Variants in MAGI2 observed in about 807,000 individuals in gnomAD.
The protein encoded by MAGI2 is membrane-associated guanylate kinase, WW and PDZ domain-containing protein 2.
In MAGI2, 35 loss-of-function variants were observed where a neutral mutation model predicts 133.3. The ratio of observed to expected loss-of-function variants is 0.26; its 90% confidence interval spans 0.20 to 0.35. The LOEUF is 0.35. Among genes scored for constraint, MAGI2 ranks in the 10% least tolerant of loss-of-function variants. The pLI, the probability that MAGI2 is intolerant of heterozygous loss-of-function variation, is 1.00. For synonymous variants in MAGI2, 729 were observed against 710.6 expected (o/e 1.03, Z -0.41); for missense variants, 1,636 against 1,863.4 (o/e 0.88, Z 2.25).
intron 6 of MAGI2, among the ~76,000 whole-genome samples, chr7:78,381,215 C>T (rs1794892802): frequency 1.3e-5 from 2 of 151,996 alleles, no homozygotes; most frequent in African/African-American, 2.4e-5. Context: ...GCCGTTGTGG[C>T]GCGCATCTGT....
chr7:79,178,506 G>A (rs1301026546), intron 1 of MAGI2, among the ~76,000 whole-genome samples: 1 of 151,816 alleles, frequency 6.6e-6, no homozygotes, highest in Admixed American at 6.6e-5. Context: ...GAGGTCAGGA[G>A]TTCGAGACCA....
intron 6 of MAGI2, among the ~76,000 whole-genome samples, chr7:78,412,521 G>A (rs988378457): frequency 6.6e-6 from 1 of 152,060 alleles, no homozygotes; most frequent in Non-Finnish European, 1.5e-5. Context: ...AAAGTAACAA[G>A]TAATGAAATT....
chr7:78,574,544 G>A (rs778841520), intron 3 of MAGI2, among the ~76,000 whole-genome samples: 1 of 152,174 alleles, frequency 6.6e-6, no homozygotes, highest in Admixed American at 6.5e-5. Context: ...TGATAAGGAT[G>A]GCATTGTAAC....
rs1174860427 is a variant in MAGI2 at position 78,893,025 on chromosome 7, A to T, written c.418+114065T>A. On this transcript the variant is annotated intron_variant, in intron 2 of 21. Transcript: ENST00000354212. ...CAGAATCTACAATGAACTCAAACAA[A>T]TTTACAAGAAAAAAACAAACAACCC... is the stretch of plus-strand genomic sequence containing the variant. Among the ~76,000 whole-genome samples, 4 of 152,184 alleles carry T rather than the reference A, an allele frequency of 2.6e-5. No individual in the cohort carries two copies. In the South Asian group the frequency reaches 8.3e-4, roughly 32 times the overall value.
chr7:78,217,057 A>G (rs995273348), intron 10 of MAGI2, among the ~76,000 whole-genome samples: 1 of 152,210 alleles, frequency 6.6e-6, no homozygotes, highest in Non-Finnish European at 1.5e-5. Context: ...TAATAAGGAC[A>G]CAAGTTCTAT....
chr7:79,015,773 A>C, intron 1 of MAGI2, among the ~76,000 whole-genome samples: 1 of 152,214 alleles, frequency 6.6e-6, no homozygotes, highest in South Asian at 2.1e-4. Flanking sequence ...AGGCAACTGA[A>C]ATGCACAATT....
At chr7:78,624,155 C>T (rs1043840030) in intron 3 of MAGI2, among the ~76,000 whole-genome samples, 9 of 151,960 alleles carry the variant, frequency 5.9e-5, no homozygotes, top group African/African-American at 2.2e-4. Context: ...CATTTGCCCA[C>T]TTTTTAATGC....
chr7:78,759,766 C>T, intron 2 of MAGI2, among the ~76,000 whole-genome samples: 1 of 152,030 alleles, frequency 6.6e-6, no homozygotes, highest in East Asian at 1.9e-4. Context: ...TTATGTGATT[C>T]TTTTATCACA....
chr7:78,992,471 A>AT lies in MAGI2; in HGVS notation c.418+14618dup, dbSNP rs550120830. Among the ~76,000 whole-genome samples the AT allele has an allele frequency of 2.6e-3, 385 of 150,162 alleles. 3 individuals carry two copies. The highest frequency in any genetic ancestry group is 6.2e-3 in the African/African-American group (253 of 41,082). ...TTATTAAGTGCATTGCTAACTGACC[A>AT]TTTTTTTTTGCATTAACAACCACAT... On this transcript the variant is annotated intron_variant, in intron 2 of 21. Coordinates refer to ENST00000354212, the MANE Select transcript of MAGI2 (RefSeq NM_012301.4).
chr7:78,595,108 A>T (rs144996224), intron 3 of MAGI2, among the ~76,000 whole-genome samples: 331 of 152,080 alleles, frequency 2.2e-3, no homozygotes, highest in Middle Eastern at 0.014. Context: ...GTTCATCTGC[A>T]TCTAGTTACT....
At chr7:79,132,506 T>A (rs544322306) in intron 1 of MAGI2, among the ~76,000 whole-genome samples, 1 of 152,180 alleles carries the variant, frequency 6.6e-6, no homozygotes, top group Non-Finnish European at 1.5e-5. Flanking sequence ...TACTCCATGG[T>A]GTATACATAC....
intron 6 of MAGI2, among the ~76,000 whole-genome samples, chr7:78,489,185 A>G (rs2150488508): frequency 6.6e-6 from 1 of 152,196 alleles, no homozygotes; most frequent in East Asian, 1.9e-4. Context: ...AATTATTTTT[A>G]AAAGATTCTT....
At chr7:78,988,854 G>A (rs187578310) in intron 2 of MAGI2, among the ~76,000 whole-genome samples, 3 of 152,088 alleles carry the variant, frequency 2.0e-5, no homozygotes, top group Non-Finnish European at 4.4e-5. Flanking sequence ...GGAAGGATAC[G>A]TTAGCGCTAG....
intron 4 of MAGI2, among the ~76,000 whole-genome samples, chr7:78,505,271 A>G (rs529742917): frequency 6.6e-6 from 1 of 152,284 alleles, no homozygotes; most frequent in East Asian, 1.9e-4. Flanking sequence ...TACTTATCTA[A>G]TATCTAATAG....
chr7:79,410,349 G>A (rs970421937), intron 1 of MAGI2: 4 of 152,056 alleles, frequency 2.6e-5, no homozygotes, highest in Non-Finnish European at 5.9e-5. Context: ...TTTAGGAGTG[G>A]GAAGAAATTG....
At chr7:79,451,171 A>G (rs1849214917) in intron 1 of MAGI2, among the ~76,000 whole-genome samples, 1 of 152,232 alleles carries the variant, frequency 6.6e-6, no homozygotes, top group African/African-American at 2.4e-5. Flanking sequence ...TCAGAATTGA[A>G]CACAACATTT....
intron 2 of MAGI2, among the ~76,000 whole-genome samples, chr7:78,987,788 A>C (rs9656215): frequency 0.76 from 115,506 of 151,840 alleles, 44,286 homozygotes; most frequent in African/African-American, 0.85. Flanking sequence ...CACTGATTAA[A>C]AATGCAGTTA....
chr7:78,818,473 G>C (rs1267965038), intron 2 of MAGI2, among the ~76,000 whole-genome samples: 3 of 152,018 alleles, frequency 2.0e-5, no homozygotes, highest in Admixed American at 2.0e-4. Flanking sequence ...TTATGTGAGT[G>C]GATGAGTTAA....
chr7:78,223,647 C>A (rs979685982), intron 10 of MAGI2, among the ~76,000 whole-genome samples: 1 of 152,018 alleles, frequency 6.6e-6, no homozygotes, highest in Non-Finnish European at 1.5e-5. Flanking sequence ...AAGGACTTAA[C>A]AAGATAATTT....
Sources: allele counts gnomAD v4.1 joint callset (sites outside exome capture counted in the v4.1 genomes callset), GRCh38; gene constraint gnomAD v4.1.1; transcripts MANE v1.5; gene names NCBI Gene and HGNC (gene_info 2026-07-23, HGNC 2026-07-21).